The following PTPRN variants were observed in gnomAD, a reference collection of about 807,000 sequenced individuals.
PTPRN encodes protein tyrosine phosphatase receptor type N, also known as receptor-type tyrosine-protein phosphatase-like N.
In PTPRN, 70 loss-of-function variants were observed where a neutral mutation model predicts 108.5. The ratio of observed to expected loss-of-function variants is 0.65; its 90% CI spans 0.53 to 0.79. The LOEUF is 0.79. Among genes scored for constraint, PTPRN ranks in the 30% least tolerant of loss-of-function variants. PTPRN has a pLI of 0.00. For missense variants in PTPRN, 1,136 were observed against 1,295.5 expected (o/e 0.88, Z 1.89); for synonymous variants, 496 against 524.6 (o/e 0.95, Z 0.75).
Position 219,300,959 on chromosome 2 carries a change from C to T in PTPRN, c.1145G>A (p.Gly382Glu), listed in dbSNP as rs1952330457. ...GGGACTCACTTTCTTGATATCAGCT[C>T]CAACATTTACAACCCCTCCTGCGAG... The part of the protein sequence containing the change: ...GRNPGGVVNV[G>E]ADIKKTMEGP... Residue 382 changes from glycine (G) to glutamate (E), a missense_variant, in exon 8 of 23, where the codon GGA becomes GAA. Gly to Glu is a moderately conservative substitution (Grantham distance 98, BLOSUM62 -2). Transcript: ENST00000295718. 1 of 1,614,100 alleles carries T rather than the reference C, an allele frequency of 6.2e-7. No individual in the cohort carries two copies. The highest frequency in any genetic ancestry group is 1.7e-5 in the Admixed American group (1 of 60,018).
At chr2:219,300,881 G>T in intron 8 of PTPRN, 62 bp downstream of exon 8, 1 of 1,570,422 alleles carries the variant, frequency 6.4e-7, no homozygotes, top group Admixed American at 1.7e-5. Context: ...TGAAATTTAG[G>T]TTTGGCAAGG....
intron 19 of PTPRN, among the ~76,000 whole-genome samples, chr2:219,293,470 G>A (rs756210711): frequency 7.2e-5 from 11 of 152,118 alleles, no homozygotes; most frequent in Non-Finnish European, 1.5e-4. Context: ...GTGAACCACC[G>A]CGCCCGGCCC....
Position 219,299,349 on chromosome 2 carries a change from T to C in PTPRN, c.1559A>G (p.His520Arg). The change falls in exon 11 of 23, where the codon CAC (histidine) becomes CGC (arginine). Residue 520 changes from histidine (H) to arginine (R), a missense_variant. Transcript: ENST00000295718. The part of the protein sequence containing the change: ...VGPALTFRIR[H>R]NEQNLSLADV... ...AGCCAAAGACAGGTTCTGCTCATTGTGCCGGATGCGGAAGGTGAGGGCTGG... is the reference window on the plus strand; with the variant it reads ...AGCCAAAGACAGGTTCTGCTCATTGCGCCGGATGCGGAAGGTGAGGGCTGG... 2 of 1,614,238 alleles carry C rather than the reference T, an allele frequency of 1.2e-6. No individual in the cohort carries two copies. The highest frequency in any genetic ancestry group is 1.7e-6 in the Non-Finnish European group (2 of 1,180,036).
chr2:219,308,996 C>A, intron 1 of PTPRN: 1 of 1,524,460 alleles, frequency 6.6e-7, no homozygotes, highest in Non-Finnish European at 8.8e-7. Flanking sequence ...TTCCCCAGAG[C>A]CCAATTCTCT....
At chr2:219,291,603 C>G in intron 19 of PTPRN, 80 bp from the exon 20 acceptor site, 2 of 1,395,500 alleles carry the variant, frequency 1.4e-6, no homozygotes, top group African/African-American at 1.4e-5. Context: ...ACGTGGGCCT[C>G]TCTTTCTTCC....
chr2:219,302,783 G>A lies in PTPRN; in HGVS notation c.432C>T (p.Asp144=), dbSNP rs1047798319. ...PGPAGELLLQ[D]IPTGSAPAAQ... is the part of the protein sequence containing the mutation. ...CAGCAGGGGCGGAGCCAGTGGGGAT[G>A]TCCTGTAAAAGCAGCTCTCCAGCAG... The change falls in exon 5 of 23, where the codon GAC becomes GAT. Residue 144 remains aspartate (D), a synonymous_variant. Coordinates refer to ENST00000295718, the MANE Select transcript of PTPRN (RefSeq NM_002846.4). 1 of 1,613,630 alleles carries A rather than the reference G, an allele frequency of 6.2e-7. No homozygotes were observed. Among genetic ancestry groups the A allele is most frequent in the African/African-American group, 1.3e-5 (1 of 74,924 alleles).
Position 219,296,475 on chromosome 2 carries a change from C to A in PTPRN, c.2352G>T (p.Gln784His). ...DPRMPAYIAT[Q>H]GPLSHTIADF... ...CTGCGATGGTATGGGACAGCGGGCC[C>A]TGCGTGGCTATGTAGGCTGGCATCC... The change falls in exon 17 of 23, where the codon CAG becomes CAT. Residue 784 changes from glutamine (Q) to histidine (H), a missense_variant. Transcript: ENST00000295718. The surrounding 1 kb of genome is among the most constrained non-coding windows in gnomAD (Gnocchi z 6.0). 6.2e-7 allele frequency: 1 copy of A among 1,614,194 alleles called. No individual in the cohort carries two copies. The highest frequency in any genetic ancestry group is 1.1e-5 in the South Asian group (1 of 91,082).
At chr2:219,309,012 C>A in intron 1 of PTPRN, 1 of 1,524,088 alleles carries the variant, frequency 6.6e-7, no homozygotes, top group Non-Finnish European at 8.8e-7. Flanking sequence ...TCTCTTAGGT[C>A]CCGCCCCCGT....
At position 219,290,241 on chromosome 2, in the gene PTPRN, C is replaced by G; in HGVS notation, c.2925G>C (p.Lys975Asn). 1 of 1,614,026 alleles carries G rather than the reference C, an allele frequency of 6.2e-7. No homozygotes were observed. The change falls in exon 23 of 23, where the codon AAG becomes AAC. Residue 975 changes from lysine (K) to asparagine (N), a missense_variant. Coordinates refer to ENST00000295718, the MANE Select transcript of PTPRN (RefSeq NM_002846.4). This position sits in a 1 kb window ranked among gnomAD's most constrained non-coding sequence, Gnocchi z 4.2. ...CCCCAGGGTCTCACTGGGGCAGGGC[C>G]TTGAGGATGGCATTCACTTCCTCCG... ...AVAEEVNAIL[K>N]ALPQ
chr2:219,309,097 C>T (rs1257248879), intron 1 of PTPRN, 121 bp downstream of exon 1: 2 of 1,494,690 alleles, frequency 1.3e-6, no homozygotes, highest in South Asian at 1.2e-5. Flanking sequence ...TCGCATGCCT[C>T]CCCCAACCCA....
At chr2:219,291,839 C>A (rs1952061670) in intron 19 of PTPRN, 2 of 445,146 alleles carry the variant, frequency 4.5e-6, no homozygotes, top group East Asian at 4.5e-5. Flanking sequence ...AGGGTTCTTA[C>A]AATGATCACA....
In PTPRN at chr2:219,297,918, C is replaced by T. The variant is rs775308617; in HGVS notation, c.1854G>A (p.Glu618=). 8 of 1,612,304 alleles carry T rather than the reference C, an allele frequency of 5.0e-6. No individual in the cohort carries two copies. The highest frequency in any genetic ancestry group is 3.3e-5 in the South Asian group (3 of 90,932). Residue 618 remains glutamate, a synonymous_variant, in exon 13 of 23, where the codon GAG becomes GAA. Transcript: ENST00000295718. The surrounding 1 kb of genome is among the most constrained non-coding windows in gnomAD (Gnocchi z 6.0). ...CAAAGGTAGTGTCACCATGGGCCCCCTCAGGCCCCAGGGCTGCCAGGCGCT... is the reference window on the plus strand; with the variant it reads ...CAAAGGTAGTGTCACCATGGGCCCCTTCAGGCCCCAGGGCTGCCAGGCGCT... The part of the protein sequence containing the change: ...DKERLAALGP[E]GAHGDTTFEY...
At position 219,296,873 on chromosome 2, in the gene PTPRN, G is replaced by A. The variant is rs769434601; in HGVS notation, c.2237-51C>T. 8.7e-6 allele frequency: 14 copies of A among 1,613,270 alleles called. No individual in the cohort carries two copies. Among genetic ancestry groups the A allele is most frequent in the African/African-American group, 8.0e-5 (6 of 74,886 alleles). On this transcript the variant is annotated intron_variant, in intron 15 of 22. Coordinates refer to ENST00000295718, the MANE Select transcript of PTPRN (RefSeq NM_002846.4). This position sits in a 1 kb window ranked among gnomAD's most constrained non-coding sequence, Gnocchi z 6.0. ...AGATGGCCCTCTGGTCATTGGCATC[G>A]CGGGACCTCTGCCACTCAGCCTGAG... is the stretch of plus-strand genomic sequence containing the variant.
At position 219,301,600 on chromosome 2, in the gene PTPRN, C is replaced by T; in HGVS notation, c.1114G>A (p.Gly372Arg). ...TLLQLLPKGA[G>R]RNPGGVVNVG... ...CCTGGACACTTACCCGGATTTCTTC[C>T]TGCACCCTTGGGCAGTAGCTGCAGC... is the stretch of plus-strand genomic sequence containing the variant. The change falls in exon 7 of 23, where the codon GGA (glycine) becomes AGA (arginine). Residue 372 changes from glycine (G) to arginine (R), a missense_variant. Physicochemically the swap from Gly to Arg is moderately radical, Grantham distance 125 (BLOSUM62 -2). Transcript: ENST00000295718. 6.2e-7 allele frequency: 1 copy of T among 1,608,462 alleles called. No homozygotes were observed. Among genetic ancestry groups the T allele is most frequent in the Non-Finnish European group, 8.5e-7 (1 of 1,175,288 alleles).
chr2:219,296,004 AT>A lies in PTPRN; in HGVS notation c.2508+221del. 1 of 581,284 alleles carries A rather than the reference AT, an allele frequency of 1.7e-6. No homozygotes were observed. Among genetic ancestry groups the A allele is most frequent in the Admixed American group, 3.2e-5 (1 of 31,042 alleles). The allele number at this position is 581,284 out of a possible 1,614,324, so 36.0% of individuals were successfully genotyped here. A position where few individuals can be genotyped will look rare whatever the true frequency, so the allele number is the denominator to read the frequency against. ...CACACACACACACACACACACACAC[AT>A]GTATGTTCTGTAAACAGGACACACA... On this transcript the variant is annotated intron_variant, in intron 18 of 22. Transcript: ENST00000295718. This position sits in a 1 kb window ranked among gnomAD's most constrained non-coding sequence, Gnocchi z 6.0.
rs934790834 is a variant in PTPRN at position 219,309,385 on chromosome 2, G to C, written c.-53C>G. Reference sequence around the variant, plus strand: ...GGGCCGGAGCCGCAGCGACGCTGGCGGGAGCCTGCCAGAGGGGCTGAGGCG... The same window carrying C: ...GGGCCGGAGCCGCAGCGACGCTGGCCGGAGCCTGCCAGAGGGGCTGAGGCG... On this transcript the variant is annotated 5_prime_UTR_variant, in exon 1 of 23. Coordinates refer to ENST00000295718, the MANE Select transcript of PTPRN (RefSeq NM_002846.4). The C allele has an allele frequency of 2.0e-6, 2 of 1,004,432 alleles. No individual in the cohort carries two copies. Among genetic ancestry groups the C allele is most frequent in the South Asian group, 3.7e-5 (2 of 54,632 alleles). The allele number at this position is 1,004,432 out of a possible 1,614,324, so 62.2% of individuals were successfully genotyped here. A position where few individuals can be genotyped will look rare whatever the true frequency, so the allele number is the denominator to read the frequency against.
At chr2:219,308,120 T>G (rs1952529544) in intron 1 of PTPRN, 1 of 443,314 alleles carries the variant, frequency 2.3e-6, no homozygotes, top group East Asian at 4.4e-5. Flanking sequence ...GGGAGAGAGA[T>G]TCATAGAATT....
intron 4 of PTPRN, 98 bp downstream of exon 4, chr2:219,303,637 C>T: frequency 1.7e-6 from 2 of 1,148,206 alleles, no homozygotes; most frequent in East Asian, 5.0e-5. Flanking sequence ...AGCATGCTGG[C>T]CTTGGTGCCC....
Position 219,299,336 on chromosome 2 carries a change from G to A in PTPRN, c.1572C>T (p.Asn524=), listed in dbSNP as rs780890314. The part of the protein sequence containing the change: ...LTFRIRHNEQ[N]LSLADVTQQA... ...GTTGGGTCACATCAGCCAAAGACAG[G>A]TTCTGCTCATTGTGCCGGATGCGGA... The change falls in exon 11 of 23, where the codon AAC becomes AAT. Residue 524 remains asparagine (N), a synonymous_variant. Transcript: ENST00000295718. The A allele has an allele frequency of 6.2e-7, 1 of 1,614,220 alleles. No homozygotes were observed. Among genetic ancestry groups the A allele is most frequent in the South Asian group, 1.1e-5 (1 of 91,090 alleles).
Sources: allele counts gnomAD v4.1 joint callset (sites outside exome capture counted in the v4.1 genomes callset), GRCh38; gene constraint gnomAD v4.1.1; non-coding constraint Gnocchi (gnomAD v3.1); transcripts MANE v1.5; gene names NCBI Gene and HGNC (gene_info 2026-07-23, HGNC 2026-07-21).